KIAA1614: variants seen among roughly 807,000 people sequenced by gnomAD.
KIAA1614 encodes the protein uncharacterized protein KIAA1614.
In KIAA1614, 76 loss-of-function variants were observed where a neutral mutation model predicts 88.7. The ratio of observed to expected loss-of-function variants is 0.86; its 90% CI spans 0.71 to 1.04. KIAA1614 has a LOEUF of 1.04. Among genes scored for constraint, KIAA1614 ranks in the 50% least tolerant of loss-of-function variants. The pLI is 0.00. For missense variants in KIAA1614, 1,553 were observed against 1,582.5 expected, an observed-to-expected ratio of 0.98 and a Z score of 0.32; for synonymous variants, 714 against 675.5, an observed-to-expected ratio of 1.06 and a Z score of -0.88.
In KIAA1614 at chr1:180,916,361, G is replaced by T. The variant is rs1022033989; in HGVS notation, c.258G>T (p.Lys86Asn). ...QLQGPSVLES[K>N]VRALKEKMTV... ...AGGGCCCCTCTGTGCTGGAATCCAAGGTGAGGGCTTTGAAGGAGAAGATGA... is the reference window on the plus strand; with the variant it reads ...AGGGCCCCTCTGTGCTGGAATCCAATGTGAGGGCTTTGAAGGAGAAGATGA... Residue 86 changes from lysine to asparagine, a missense_variant, in exon 2 of 9, where the codon AAG (lysine) becomes AAT (asparagine). Physicochemically the swap from Lys to Asn is moderately conservative, Grantham distance 94. Transcript: ENST00000367588. 1.2e-6 allele frequency: 2 copies of T among 1,614,210 alleles called. No homozygotes were observed.
chr1:180,935,106 C>T lies in KIAA1614; in HGVS notation c.1206-9C>T. ...GCCCTTGACCTCTCTCCTCCTGTCT[C>T]TTCATCAGAGATGGCCACAGAAGCC... On this transcript the variant is annotated splice_polypyrimidine_tract_variant and intron_variant, in intron 4 of 8. Transcript: ENST00000367588. This position sits in a 1 kb window ranked among gnomAD's most constrained non-coding sequence, Gnocchi z 6.1. 1.4e-6 allele frequency: 2 copies of T among 1,418,342 alleles called. No homozygotes were observed. The highest frequency in any genetic ancestry group is 9.2e-7 in the Non-Finnish European group (1 of 1,085,102). The allele number at this position is 1,418,342 out of a possible 1,614,324, so 87.9% of individuals were successfully genotyped here. A position where few individuals can be genotyped will look rare whatever the true frequency, so the allele number is the denominator to read the frequency against.
intron 4 of KIAA1614, among the ~76,000 whole-genome samples, chr1:180,930,805 G>A (rs144430860): frequency 6.6e-6 from 1 of 152,250 alleles, no homozygotes; most frequent in South Asian, 2.1e-4. Context: ...AATCCTCAGA[G>A]GGTATAGCTG....
At chr1:180,927,578 GT>G (rs1654097117) in intron 3 of KIAA1614, among the ~76,000 whole-genome samples, 1 of 152,232 alleles carries the variant, frequency 6.6e-6, no homozygotes, top group Non-Finnish European at 1.5e-5. Context: ...GGAGAACAAC[GT>G]CTTGTCAGTG....
At position 180,917,040 on chromosome 1, in the gene KIAA1614, C is replaced by T. The variant is rs751151294; in HGVS notation, c.937C>T (p.Gln313Ter). 6.2e-7 allele frequency: 1 copy of T among 1,613,680 alleles called. No homozygotes were observed. Among genetic ancestry groups the T allele is most frequent in the African/African-American group, 1.3e-5 (1 of 74,938 alleles). ...GCAGGAGATGCTCAACGTTTCTGGGCAGAGCCCCCGCAAGGTGGGAACCCC... is the reference window on the plus strand; with the variant it reads ...GCAGGAGATGCTCAACGTTTCTGGGTAGAGCCCCCGCAAGGTGGGAACCCC... ...LLQEMLNVSG[Q>*]SPRKVGTPAW... is the part of the protein sequence containing the mutation. The change falls in exon 2 of 9, where the codon CAG becomes TAG. Residue 313 changes from glutamine to a stop codon, truncating the protein, a stop_gained. Coordinates refer to ENST00000367588, the MANE Select transcript of KIAA1614 (RefSeq NM_020950.2). LOFTEE classifies it high-confidence loss of function.
rs1050673715 is a variant in KIAA1614 at position 180,935,123 on chromosome 1, A to G, written c.1214A>G (p.His405Arg). The change falls in exon 5 of 9, where the codon CAC (histidine) becomes CGC (arginine). Residue 405 changes from histidine (H) to arginine (R), a missense_variant. By Grantham distance (29) the His-to-Arg change is conservative. Coordinates refer to ENST00000367588, the MANE Select transcript of KIAA1614 (RefSeq NM_020950.2). The surrounding 1 kb of genome is among the most constrained non-coding windows in gnomAD (Gnocchi z 6.1). The part of the protein sequence containing the change: ...PTITQGSRDG[H>R]RSPARDPRTT... ...TCCTGTCTCTTCATCAGAGATGGCC[A>G]CAGAAGCCCAGCCCGGGACCCCAGG... The G allele has an allele frequency of 7.0e-7, 1 of 1,428,694 alleles. No homozygotes were observed. The highest frequency in any genetic ancestry group is 9.2e-7 in the Non-Finnish European group (1 of 1,090,248). 88.5% of individuals were successfully genotyped at this position (1,428,694 alleles called of 1,614,324 possible).
chr1:180,917,247 G>A (rs1375812403), intron 2 of KIAA1614, 147 bp downstream of exon 2: 1 of 664,050 alleles, frequency 1.5e-6, no homozygotes, highest in South Asian at 1.9e-5. Context: ...TCATCAGGAT[G>A]GCCTCTTGTC....
At chr1:180,917,713 A>G (rs935069467) in intron 2 of KIAA1614, 138 bp from the exon 3 acceptor site, 17 of 725,054 alleles carry the variant, frequency 2.3e-5, no homozygotes, top group Admixed American at 1.7e-4. Flanking sequence ...TCAGCCTCCA[A>G]TTTTCAGGCA....
chr1:180,916,441 C>T lies in KIAA1614; in HGVS notation c.338C>T (p.Pro113Leu), dbSNP rs1232452537. 4 of 1,614,168 alleles carry T rather than the reference C, an allele frequency of 2.5e-6. No homozygotes were observed. In the South Asian group the frequency reaches 3.3e-5, roughly 13 times the overall value. The change falls in exon 2 of 9, where the codon CCC becomes CTC. Residue 113 changes from proline (P) to leucine (L), a missense_variant. Pro to Leu is a moderately conservative substitution (Grantham distance 98). Coordinates refer to ENST00000367588, the MANE Select transcript of KIAA1614 (RefSeq NM_020950.2). ...TCTGCTTCCCAAGAGTGGTCATCCC[C>T]CAAGAAACCCCAATGCAGACGAGGC... ...PCSASQEWSS[P>L]KKPQCRRGKA...
chr1:180,932,735 G>GTTT (rs1329099088), intron 4 of KIAA1614, among the ~76,000 whole-genome samples: 1 of 143,866 alleles, frequency 7.0e-6, no homozygotes, highest in Admixed American at 7.2e-5. Flanking sequence ...TTGTTTGTTT[G>GTTT]TTTTTTTCGA....
chr1:180,922,371 G>A (rs1653974699), intron 3 of KIAA1614, among the ~76,000 whole-genome samples: 1 of 152,176 alleles, frequency 6.6e-6, no homozygotes, highest in African/African-American at 2.4e-5. Context: ...AGTCCCTGGT[G>A]TACACACCCT....
At chr1:180,938,826 A>G in intron 6 of KIAA1614, 115 bp downstream of exon 6, 4 of 935,772 alleles carry the variant, frequency 4.3e-6, no homozygotes, top group Non-Finnish European at 6.5e-6. Flanking sequence ...CCTAGTCTTC[A>G]GAGGATCCCT....
intron 5 of KIAA1614, among the ~76,000 whole-genome samples, chr1:180,938,032 C>T (rs1654371463): frequency 6.6e-6 from 1 of 152,216 alleles, no homozygotes; most frequent in Non-Finnish European, 1.5e-5. Context: ...GGCACCATCT[C>T]CTAGGACTCC....
rs1654639210 is a variant in KIAA1614, at chr1:180,948,160, A to C, written c.*2572A>C. On this transcript the variant is annotated 3_prime_UTR_variant, in exon 9 of 9. Transcript: ENST00000367588. ...TGCCATCATGGGCGCTGGATGGCAC[A>C]CAGGGGTCCCCACGCACATGAAGCC... The C allele has an allele frequency of 6.6e-6, 1 of 152,250 alleles. No homozygotes were observed. Among genetic ancestry groups the C allele is most frequent in the South Asian group, 2.1e-4 (1 of 4,834 alleles). The allele number at this position is 152,250 out of a possible 1,614,324, so 9.4% of individuals were successfully genotyped here. A position where few individuals can be genotyped will look rare whatever the true frequency, so the allele number is the denominator to read the frequency against.
intron 8 of KIAA1614, 67 bp from the exon 9 acceptor site, chr1:180,945,236 G>A: frequency 2.0e-6 from 3 of 1,500,994 alleles, no homozygotes; most frequent in Non-Finnish European, 2.7e-6. Context: ...TCATCTGTAA[G>A]CCAGGGAAGA....
chr1:180,933,601 G>A (rs900558821), intron 4 of KIAA1614, among the ~76,000 whole-genome samples: 6 of 152,214 alleles, frequency 3.9e-5, no homozygotes, highest in African/African-American at 1.4e-4. Context: ...AACGGCCTGT[G>A]GACCTGGGTC....
intron 7 of KIAA1614, chr1:180,944,142 T>C (rs1317665088): frequency 3.4e-6 from 1 of 292,870 alleles, no homozygotes; most frequent in Non-Finnish European, 6.4e-6. Context: ...GAAATTAGTA[T>C]AGCACTAAAG....
In KIAA1614 at chr1:180,928,472, T is replaced by C. The variant is rs1654117667; in HGVS notation, c.1104T>C (p.His368=). 2 of 1,613,226 alleles carry C rather than the reference T, an allele frequency of 1.2e-6. No homozygotes were observed. Among genetic ancestry groups the C allele is most frequent in the African/African-American group, 1.3e-5 (1 of 74,932 alleles). Residue 368 remains histidine, a synonymous_variant, in exon 4 of 9, where the codon CAT becomes CAC. Transcript: ENST00000367588. The part of the protein sequence containing the change: ...PNPEPVLSPR[H]EEATHLLQRA... ...CGGAGCCTGTGCTGAGCCCCAGGCA[T>C]GAGGAAGCCACGCATCTGCTGCAGC...
intron 3 of KIAA1614, among the ~76,000 whole-genome samples, chr1:180,925,915 C>T (rs769632666): frequency 2.0e-5 from 3 of 152,206 alleles, no homozygotes; most frequent in Non-Finnish European, 4.4e-5. Context: ...GCATATCAGA[C>T]TATGTGGCCA....
At position 180,935,367 on chromosome 1, in the gene KIAA1614, C is replaced by T. The variant is rs1316188919; in HGVS notation, c.1458C>T (p.Gly486=). 7 of 1,463,302 alleles carry T rather than the reference C, an allele frequency of 4.8e-6. No individual in the cohort carries two copies. The highest frequency in any genetic ancestry group is 2.9e-5 in the African/African-American group (2 of 68,898). 90.6% of individuals were successfully genotyped at this position (1,463,302 alleles called of 1,614,324 possible). A position where few individuals can be genotyped will look rare whatever the true frequency, so the allele number is the denominator to read the frequency against. The change falls in exon 5 of 9, where the codon GGC becomes GGT. Residue 486 remains glycine (G), a synonymous_variant. Transcript: ENST00000367588. This position sits in a 1 kb window ranked among gnomAD's most constrained non-coding sequence, Gnocchi z 6.1. ...CCGTGTTGCAGGCCGCGGACCAGGG[C>T]CCCCTGCGCTCCAAGCCCGACCTCG... The part of the protein sequence containing the change: ...LSTVLQAADQ[G]PLRSKPDLAD...
Sources: gnomAD v4.1 joint callset for allele counts (sites outside exome capture counted in the v4.1 genomes callset) on GRCh38, gnomAD v4.1.1 for gene constraint, Gnocchi (gnomAD v3.1) non-coding constraint, MANE v1.5 for transcripts, NCBI Gene and HGNC (gene_info 2026-07-23, HGNC 2026-07-21) for gene names.